Variants in ADAMTS12 observed in about 807,000 individuals in gnomAD.
The protein encoded by ADAMTS12 is A disintegrin and metalloproteinase with thrombospondin motifs 12.
Under a neutral mutation model 167.8 loss-of-function variants are expected in ADAMTS12, and 118 were observed. The ratio of observed to expected loss-of-function variants is 0.70; its 90% CI spans 0.61 to 0.82. ADAMTS12 has a LOEUF of 0.82. Among genes scored for constraint, ADAMTS12 ranks in the 40% least tolerant of loss-of-function variants. The pLI, the probability that ADAMTS12 is intolerant of heterozygous loss-of-function variation, is 0.00. For missense variants in ADAMTS12, 1,916 were observed against 1,998.8 expected (o/e 0.96, Z 0.79); for synonymous variants, 704 against 716.9 (o/e 0.98, Z 0.29).
intron 2 of ADAMTS12, among the ~76,000 whole-genome samples, chr5:33,811,122 C>A (rs1747445126): frequency 6.6e-6 from 1 of 152,088 alleles, no homozygotes; most frequent in Admixed American, 6.5e-5. Flanking sequence ...TAAGCAACAA[C>A]AACAAAAACA....
At chr5:33,756,695 A>G (rs1253404550) in intron 2 of ADAMTS12, among the ~76,000 whole-genome samples, 1 of 152,200 alleles carries the variant, frequency 6.6e-6, no homozygotes, top group East Asian at 1.9e-4. Flanking sequence ...AAGATTTTGC[A>G]TATGAGTCTG....
chr5:33,847,925 G>T (rs1312799463), intron 2 of ADAMTS12, among the ~76,000 whole-genome samples: 1 of 152,038 alleles, frequency 6.6e-6, no homozygotes, highest in Admixed American at 6.6e-5. Context: ...CATAAAGAGT[G>T]AAACAATGGC....
Position 33,731,525 on chromosome 5 carries a change from C to T in ADAMTS12, c.634+19879G>A, listed in dbSNP as rs549467462. ...ATGCATGATAATGAGGCAAGGCAGC[C>T]AGCAGAGGCTGGGACATGCACTCCA... is the stretch of plus-strand genomic sequence containing the variant. On this transcript the variant is annotated intron_variant, in intron 3 of 23. Transcript: ENST00000504830. Among the ~76,000 whole-genome samples, 10 of 152,342 alleles carry T rather than the reference C, an allele frequency of 6.6e-5. No homozygotes were observed. In the South Asian group the frequency reaches 2.1e-3, roughly 32 times the overall value.
intron 18 of ADAMTS12, among the ~76,000 whole-genome samples, chr5:33,584,968 T>C (rs761097919): frequency 1.3e-5 from 2 of 152,196 alleles, no homozygotes; most frequent in South Asian, 2.1e-4. Context: ...CAGCCAGGAC[T>C]CTTCCCACTT....
In ADAMTS12 at chr5:33,644,662, C is replaced by G. The variant is rs910664479; in HGVS notation, c.1480-1192G>C. On this transcript the variant is annotated intron_variant, in intron 9 of 23. Coordinates refer to ENST00000504830, the MANE Select transcript of ADAMTS12 (RefSeq NM_030955.4). ...CTTGTTAAGGGCTTCTTAAGGGCTT[C>G]AGCTCACTTAGCTGAAGATAGACTA... Among the ~76,000 whole-genome samples, 10 of 152,042 alleles carry G rather than the reference C, an allele frequency of 6.6e-5. No individual in the cohort carries two copies. In the South Asian group the frequency reaches 2.1e-3, roughly 32 times the overall value.
At chr5:33,867,474 G>A (rs77406354) in intron 2 of ADAMTS12, among the ~76,000 whole-genome samples, 3,018 of 152,172 alleles carry the variant, frequency 0.02, 52 homozygotes, top group African/African-American at 0.044. Flanking sequence ...GAGGTTGGAA[G>A]GGAGATGAGT....
At position 33,632,892 on chromosome 5, in the gene ADAMTS12, T is replaced by C. The variant is rs551660575; in HGVS notation, c.1889-1979A>G. Among the ~76,000 whole-genome samples the C allele has an allele frequency of 1.2e-4, 19 of 152,262 alleles. No individual in the cohort carries two copies. In the South Asian group the frequency reaches 3.7e-3, roughly 30 times the overall value. On this transcript the variant is annotated intron_variant, in intron 12 of 23. Coordinates refer to ENST00000504830, the MANE Select transcript of ADAMTS12 (RefSeq NM_030955.4). The stretch of plus-strand genomic sequence containing the variant: ...TGGGAAGAGTTGGGACCAGAGCATG[T>C]TCATTGCGGCAACGGAATGTTTATT...
At chr5:33,729,474 C>T (rs967302658) in intron 3 of ADAMTS12, among the ~76,000 whole-genome samples, 4 of 152,238 alleles carry the variant, frequency 2.6e-5, no homozygotes, top group African/African-American at 9.7e-5. Flanking sequence ...CAAATTAAGT[C>T]TCCTTCCCAT....
At chr5:33,762,572 A>G (rs978944307) in intron 2 of ADAMTS12, among the ~76,000 whole-genome samples, 5 of 152,092 alleles carry the variant, frequency 3.3e-5, no homozygotes, top group Admixed American at 3.3e-4. Context: ...AGGCCTGGAA[A>G]TAACCCACGT....
intron 5 of ADAMTS12, among the ~76,000 whole-genome samples, chr5:33,666,552 G>GCACAAACT (rs1349086783): frequency 6.6e-6 from 1 of 151,836 alleles, no homozygotes; most frequent in Non-Finnish European, 1.5e-5. Flanking sequence ...GAGTGCAGTA[G>GCACAAACT]CACAAACTCA....
At chr5:33,869,357 G>A (rs377097304) in intron 2 of ADAMTS12, among the ~76,000 whole-genome samples, 2 of 152,102 alleles carry the variant, frequency 1.3e-5, no homozygotes, top group African/African-American at 4.8e-5. Context: ...AGACTTCAGA[G>A]GATGTATGAA....
intron 2 of ADAMTS12, among the ~76,000 whole-genome samples, chr5:33,855,678 T>TC (rs1554047784): frequency 6.6e-6 from 1 of 151,072 alleles, no homozygotes; most frequent in African/African-American, 2.4e-5. Flanking sequence ...ATGTTTTTTT[T>TC]CTCTGCATAT....
intron 5 of ADAMTS12, among the ~76,000 whole-genome samples, chr5:33,671,045 A>G (rs75891424): frequency 0.15 from 5,753 of 38,000 alleles, 345 homozygotes; most frequent in African/African-American, 0.24. Flanking sequence ...TGAATGAAAA[A>G]AATCCAGTCT....
chr5:33,648,286 C>T (rs961702086), intron 9 of ADAMTS12, among the ~76,000 whole-genome samples: 2 of 152,036 alleles, frequency 1.3e-5, no homozygotes, highest in Non-Finnish European at 2.9e-5. Flanking sequence ...GAGATAATTA[C>T]GATAGCAAGG....
chr5:33,555,913 T>C (rs1243457928), intron 20 of ADAMTS12, among the ~76,000 whole-genome samples: 1 of 152,220 alleles, frequency 6.6e-6, no homozygotes, highest in African/African-American at 2.4e-5. Flanking sequence ...TGTGTAGTAC[T>C]GGGGAGTGAA....
chr5:33,669,575 G>T (rs929302448), intron 5 of ADAMTS12, among the ~76,000 whole-genome samples: 1 of 152,010 alleles, frequency 6.6e-6, no homozygotes, highest in African/African-American at 2.4e-5. Context: ...TAGTAGATCT[G>T]TTAAACTTTT....
chr5:33,730,010 A>C (rs1277459319), intron 3 of ADAMTS12, among the ~76,000 whole-genome samples: 1 of 152,194 alleles, frequency 6.6e-6, no homozygotes, highest in Non-Finnish European at 1.5e-5. Flanking sequence ...GGAGCTCCAA[A>C]AGTTCCATTC....
chr5:33,862,271 T>G (rs1749647826), intron 2 of ADAMTS12, among the ~76,000 whole-genome samples: 1 of 151,904 alleles, frequency 6.6e-6, no homozygotes, highest in Non-Finnish European at 1.5e-5. Flanking sequence ...ACAAAATAGA[T>G]AGACCACCAG....
chr5:33,617,520 TA>T (rs1318842591), intron 14 of ADAMTS12, among the ~76,000 whole-genome samples: 1 of 152,204 alleles, frequency 6.6e-6, no homozygotes. Flanking sequence ...GCGTAGTATT[TA>T]ATTAAGTTCC....
Sources: allele counts gnomAD v4.1 joint callset (sites outside exome capture counted in the v4.1 genomes callset), GRCh38; gene constraint gnomAD v4.1.1; transcripts MANE v1.5; gene names NCBI Gene and HGNC (gene_info 2026-07-23, HGNC 2026-07-21).